Variants in OR51B5 observed in about 807,000 individuals in gnomAD.
OR51B5 encodes the protein olfactory receptor family 51 subfamily B member 5.
For missense variants in OR51B5, 456 were observed against 374.6 expected, an observed-to-expected ratio of 1.22 and a Z score of -1.79; for synonymous variants, 186 against 144.8, an observed-to-expected ratio of 1.28 and a Z score of -2.04.
chr11:5,397,175 A>T (rs1277771339), intron 1 of OR51B5, among the ~76,000 whole-genome samples: 3 of 152,204 alleles, frequency 2.0e-5, no homozygotes, highest in African/African-American at 7.2e-5. Flanking sequence ...CACCAAAAGC[A>T]ATGGCAACAA....
intron 1 of OR51B5, among the ~76,000 whole-genome samples, chr11:5,451,397 C>T (rs79163053): frequency 6.6e-6 from 1 of 152,102 alleles, no homozygotes. Context: ...TTCTACAAGA[C>T]TTTATATGAA....
At chr11:5,379,741 G>A (rs7948662) in intron 1 of OR51B5, among the ~76,000 whole-genome samples, 41,609 of 151,914 alleles carry the variant, frequency 0.27, 6,012 homozygotes, top group African/African-American at 0.34. Flanking sequence ...CTCAAAAAAC[G>A]TTTAATCCAT....
chr11:5,343,150 G>A (rs747951054), exon 1 of OR51B5: 1 of 1,613,822 alleles, frequency 6.2e-7, no homozygotes, highest in Non-Finnish European at 8.5e-7. Context: ...TAAGAGGGTT[G>A]CAGATGGCAA....
At chr11:5,468,109 T>C (rs1209394675) in intron 1 of OR51B5, among the ~76,000 whole-genome samples, 1 of 152,232 alleles carries the variant, frequency 6.6e-6, no homozygotes, top group Admixed American at 6.5e-5. Context: ...GTTGATATGA[T>C]CTCAGGTAAC....
chr11:5,446,684 T>C (rs957602154), intron 1 of OR51B5, among the ~76,000 whole-genome samples: 1 of 152,246 alleles, frequency 6.6e-6, no homozygotes, highest in African/African-American at 2.4e-5. Context: ...TAACTACTTA[T>C]GTTCAACAAA....
chr11:5,453,963 C>T, intron 1 of OR51B5: 3 of 1,614,044 alleles, frequency 1.9e-6, no homozygotes, highest in Non-Finnish European at 2.5e-6. Context: ...CCTTTTCCCT[C>T]TTCCCTTTCT....
At chr11:5,363,787 A>T (rs939065073) in intron 1 of OR51B5, among the ~76,000 whole-genome samples, 1 of 152,114 alleles carries the variant, frequency 6.6e-6, no homozygotes, top group Non-Finnish European at 1.5e-5. Flanking sequence ...AAAACTAGGG[A>T]CCATATGCAA....
chr11:5,399,765 C>CA lies in OR51B5; in HGVS notation n.85-52856dup, dbSNP rs35778548. The stretch of plus-strand genomic sequence containing the variant: ...CTGGAGATGGAAACTGAGAAGGATG[C>CA]AAAAAAAAAAAAATGCAAGAAAGAA... On this transcript the variant is annotated intron_variant and non_coding_transcript_variant, in intron 1 of 4. Coordinates refer to the OR51B5 transcript ENST00000415970. Among the ~76,000 whole-genome samples, 19 of 143,464 alleles carry CA rather than the reference C, an allele frequency of 1.3e-4. No homozygotes were observed. The East Asian group carries it at 3.5e-3, about 26-fold the overall frequency. The allele number at this position is 143,464 out of a possible 152,430, so 94.1% of individuals were successfully genotyped here.
intron 1 of OR51B5, among the ~76,000 whole-genome samples, chr11:5,368,980 G>T (rs570528200): frequency 1.3e-5 from 2 of 152,234 alleles, no homozygotes; most frequent in Admixed American, 1.3e-4. Context: ...CCTAAATTGT[G>T]TGTCAGCCAA....
Position 5,468,323 on chromosome 11 carries a change from G to A in OR51B5, n.84+37246C>T, listed in dbSNP as rs188458524. Among the ~76,000 whole-genome samples the A allele has an allele frequency of 1.8e-3, 267 of 152,290 alleles. 1 individual carries two copies. Among genetic ancestry groups the A allele is most frequent in the African/African-American group, 4.9e-3 (202 of 41,556 alleles). ...AACATAGGGCAGCCTGATGTTTTGC[G>A]TTACAAGTTGTAGCCTGGCTAACCC... is the stretch of plus-strand genomic sequence containing the variant. On this transcript the variant is annotated intron_variant and non_coding_transcript_variant, in intron 1 of 4. Coordinates refer to the OR51B5 transcript ENST00000415970.
chr11:5,372,175 T>C (rs1171981001), intron 1 of OR51B5, among the ~76,000 whole-genome samples: 1 of 152,220 alleles, frequency 6.6e-6, no homozygotes. Context: ...TATATATAGA[T>C]ACCACTTAGA....
intron 1 of OR51B5, among the ~76,000 whole-genome samples, chr11:5,407,809 T>A (rs1342873087): frequency 6.6e-6 from 1 of 152,066 alleles, no homozygotes; most frequent in Non-Finnish European, 1.5e-5. Context: ...TCTCTTCAAA[T>A]AAGCAAATAA....
chr11:5,343,639 A>G (rs1047355845), upstream of OR51B5: 3 of 573,866 alleles, frequency 5.2e-6, no homozygotes, highest in Non-Finnish European at 9.2e-6. Flanking sequence ...CCTAAAGATA[A>G]TAATGACATC....
chr11:5,486,495 G>GA (rs11369283), intron 1 of OR51B5, among the ~76,000 whole-genome samples: 150,592 of 152,176 alleles, frequency 0.99, 74,531 homozygotes, highest in East Asian at 1. Context: ...ACACGAAAAT[G>GA]TAAGACTCTG....
intron 1 of OR51B5, among the ~76,000 whole-genome samples, chr11:5,354,047 T>A (rs1849146636): frequency 6.6e-6 from 1 of 152,204 alleles, no homozygotes; most frequent in Non-Finnish European, 1.5e-5. Flanking sequence ...TCTTATTCCC[T>A]ACTGTATTAC....
chr11:5,413,037 C>CA (rs1199061341), intron 1 of OR51B5, among the ~76,000 whole-genome samples: 9 of 47,666 alleles, frequency 1.9e-4, no homozygotes. Context: ...AGGCACCCCC[C>CA]AGTAGGGCAG....
chr11:5,407,710 T>C (rs1244057780), intron 1 of OR51B5, among the ~76,000 whole-genome samples: 1 of 151,968 alleles, frequency 6.6e-6, no homozygotes, highest in Non-Finnish European at 1.5e-5. Context: ...CTGTTTATTC[T>C]GGAGTTATAA....
chr11:5,455,560 G>GT (rs1256143120), intron 1 of OR51B5: 1 of 28,204 alleles, frequency 3.5e-5, no homozygotes, highest in African/African-American at 1.3e-4. Context: ...GGAGAAAGAA[G>GT]GGGGGAGAGA....
chr11:5,444,068 C>T (rs879755006), intron 1 of OR51B5, among the ~76,000 whole-genome samples: 2 of 152,136 alleles, frequency 1.3e-5, no homozygotes, highest in Non-Finnish European at 1.5e-5. Flanking sequence ...CAAATATTCT[C>T]TTATTTTTAA....
Sources: gnomAD v4.1 joint callset for allele counts (sites outside exome capture counted in the v4.1 genomes callset) on GRCh38, gnomAD v4.1.1 for gene constraint, MANE v1.5 for transcripts, NCBI Gene and HGNC (gene_info 2026-07-23, HGNC 2026-07-21) for gene names.